The following DLG1 variants were observed in gnomAD, a reference collection of about 807,000 sequenced individuals.
The protein encoded by DLG1 is discs large MAGUK scaffold protein 1.
Under a neutral mutation model 123.4 loss-of-function variants are expected in DLG1, and 42 were observed. The observed-to-expected ratio is 0.34, with a 90% confidence interval of 0.27 to 0.44. The LOEUF is 0.44. DLG1 is among the 20% of genes least tolerant of loss of function. The probability of loss-of-function intolerance (pLI) is 1.00; values close to 1 mark genes in which losing one functional copy is unlikely to be tolerated. For missense variants in DLG1, 942 were observed against 1,082.6 expected (o/e 0.87, Z 1.82); for synonymous variants, 317 against 356.2 (o/e 0.89, Z 1.24).
chr3:197,277,173 T>A (rs1321081369), intron 4 of DLG1, among the ~76,000 whole-genome samples: 1 of 151,810 alleles, frequency 6.6e-6, no homozygotes, highest in Non-Finnish European at 1.5e-5. Flanking sequence ...ATTACAGGCA[T>A]GAGCCACTGC....
At chr3:197,053,158 TGAG>T (rs1178244480) in intron 23 of DLG1, among the ~76,000 whole-genome samples, 6 of 152,188 alleles carry the variant, frequency 3.9e-5, no homozygotes, top group Admixed American at 3.9e-4. Flanking sequence ...AGCTGGATGA[TGAG>T]TATAGAGTTC....
At position 197,051,687 on chromosome 3, in the gene DLG1, A is replaced by T. The variant is rs1727835667; in HGVS notation, c.2484-19T>A. The T allele has an allele frequency of 1.3e-6, 2 of 1,573,116 alleles. No homozygotes were observed. Among genetic ancestry groups the T allele is most frequent in the South Asian group, 2.2e-5 (2 of 89,636 alleles). ...CATTTCCCTACGAAAATAAATGTAG[A>T]AATTGATAATTACCAAATTATAATA... is the stretch of plus-strand genomic sequence containing the variant. On this transcript the variant is annotated intron_variant, in intron 23 of 24. Coordinates refer to ENST00000667157, the MANE Select transcript of DLG1 (RefSeq NM_001366207.1).
intron 14 of DLG1, among the ~76,000 whole-genome samples, chr3:197,101,353 C>T (rs946593553): frequency 1.3e-4 from 19 of 151,804 alleles, no homozygotes; most frequent in Admixed American, 1.0e-3. Context: ...TCATGCATGG[C>T]GTACAGTTTT....
At chr3:197,053,921 G>C (rs1729754791) in intron 23 of DLG1, among the ~76,000 whole-genome samples, 5 of 151,978 alleles carry the variant, frequency 3.3e-5, no homozygotes, top group South Asian at 2.1e-4. Context: ...GCAAAATCCT[G>C]TCTCTCTAAA....
chr3:197,085,517 A>C (rs776343887), intron 16 of DLG1, 63 bp downstream of exon 16: 3 of 1,568,806 alleles, frequency 1.9e-6, no homozygotes, highest in Admixed American at 1.7e-5. Context: ...AAATTAAAAA[A>C]AATTTAAAAG....
intron 4 of DLG1, among the ~76,000 whole-genome samples, chr3:197,258,579 G>GA (rs1334755453): frequency 2.6e-5 from 4 of 152,212 alleles, no homozygotes; most frequent in South Asian, 4.1e-4. Flanking sequence ...GGCGGATGAT[G>GA]AAAAAAATTT....
At chr3:197,170,367 C>A (rs1803526192) in intron 5 of DLG1, among the ~76,000 whole-genome samples, 1 of 152,178 alleles carries the variant, frequency 6.6e-6, no homozygotes, top group Admixed American at 6.5e-5. Flanking sequence ...CTAATTTACA[C>A]TCTCATCAAC....
rs146734942 is a variant in DLG1, at chr3:197,257,550, A to G, written c.318+25129T>C. ...CAGCAAAAAGAGGCTGACAAAGCAG[A>G]AACAGGTATGGGTAAAAGCATCTTT... On this transcript the variant is annotated intron_variant, in intron 4 of 24. Coordinates refer to ENST00000667157, the MANE Select transcript of DLG1 (RefSeq NM_001366207.1). Among the ~76,000 whole-genome samples, 28 of 152,318 alleles carry G rather than the reference A, an allele frequency of 1.8e-4. 2 individuals carry two copies. In the East Asian group the frequency reaches 5.2e-3, roughly 28 times the overall value.
intron 24 of DLG1, 115 bp downstream of exon 24, chr3:197,051,462 A>T: frequency 1.3e-6 from 1 of 756,036 alleles, no homozygotes; most frequent in Non-Finnish European, 2.2e-6. Flanking sequence ...GCTGGATGAT[A>T]CTAGTTACTA....
At chr3:197,077,698 A>G (rs979513763) in intron 17 of DLG1, among the ~76,000 whole-genome samples, 1 of 152,184 alleles carries the variant, frequency 6.6e-6, no homozygotes, top group African/African-American at 2.4e-5. Flanking sequence ...TTTTTCCTTG[A>G]ATGTCTCATT....
intron 5 of DLG1, among the ~76,000 whole-genome samples, chr3:197,191,145 G>T (rs1284521358): frequency 1.3e-5 from 2 of 151,984 alleles, no homozygotes; most frequent in African/African-American, 4.8e-5. Context: ...CAGCAAAATG[G>T]GATTTCACTG....
chr3:197,077,234 T>C (rs969798385), intron 17 of DLG1, among the ~76,000 whole-genome samples: 3 of 150,632 alleles, frequency 2.0e-5, no homozygotes, highest in African/African-American at 2.4e-5. Context: ...AAAACAAATA[T>C]ATATATATTT....
chr3:197,197,798 T>C (rs1307872009), intron 4 of DLG1, among the ~76,000 whole-genome samples: 1 of 152,188 alleles, frequency 6.6e-6, no homozygotes, highest in Non-Finnish European at 1.5e-5. Context: ...TAAATATAGA[T>C]ATATAGATCA....
chr3:197,086,359 A>G (rs1467212672), intron 15 of DLG1, among the ~76,000 whole-genome samples: 1 of 152,248 alleles, frequency 6.6e-6, no homozygotes, highest in Non-Finnish European at 1.5e-5. Context: ...TGTTAAGAAT[A>G]TTTTAAAATT....
intron 4 of DLG1, among the ~76,000 whole-genome samples, chr3:197,246,079 A>T (rs763122957): frequency 1.1e-4 from 17 of 152,048 alleles, no homozygotes; most frequent in Non-Finnish European, 2.2e-4. Flanking sequence ...TGATTTTGTA[A>T]ATGTTCTAAG....
At chr3:197,258,217 A>G (rs923333947) in intron 4 of DLG1, among the ~76,000 whole-genome samples, 31 of 152,210 alleles carry the variant, frequency 2.0e-4, no homozygotes, top group African/African-American at 7.2e-4. Flanking sequence ...AACAAACATT[A>G]CACTTGGATT....
At chr3:197,289,341 TAC>T (rs56319334) in intron 3 of DLG1, among the ~76,000 whole-genome samples, 2,306 of 150,326 alleles carry the variant, frequency 0.015, 35 homozygotes, top group African/African-American at 0.039. Context: ...TACACGCGCA[TAC>T]ACACACACAC....
rs1025702716 is a variant in DLG1 at position 197,124,925 on chromosome 3, G to C, written c.1166-5395C>G. ...GCTGATGGTAATGATCCAGTAGACAGAGGATTTGATTATGCAAGAGAGAGA... is the reference window on the plus strand; with the variant it reads ...GCTGATGGTAATGATCCAGTAGACACAGGATTTGATTATGCAAGAGAGAGA... On this transcript the variant is annotated intron_variant, in intron 11 of 24. Transcript: ENST00000667157. 7.2e-5 allele frequency among the ~76,000 whole-genome samples: 11 copies of C among 152,114 alleles called. No individual in the cohort carries two copies. The East Asian group carries it at 1.9e-3, about 27-fold the overall frequency.
At chr3:197,130,472 C>A in intron 11 of DLG1, 55 bp downstream of exon 11, 1 of 1,398,860 alleles carries the variant, frequency 7.1e-7, no homozygotes, top group South Asian at 1.6e-5. Context: ...TCACTAATGG[C>A]ATCACAACTG....
Sources: allele counts gnomAD v4.1 joint callset (sites outside exome capture counted in the v4.1 genomes callset), GRCh38; gene constraint gnomAD v4.1.1; transcripts MANE v1.5; gene names NCBI Gene and HGNC (gene_info 2026-07-23, HGNC 2026-07-21).